Variants in PRDM4 observed in about 807,000 individuals in gnomAD.
PRDM4 encodes PR domain zinc finger protein 4.
A neutral mutation model predicts 62.3 loss-of-function variants in PRDM4; 38 were observed. The ratio of observed to expected loss-of-function variants is 0.61; its 90% CI spans 0.47 to 0.80. The LOEUF (loss-of-function observed/expected upper bound fraction) is 0.80. Among genes scored for constraint, PRDM4 ranks in the 30% least tolerant of loss-of-function variants. The pLI is 0.00. For missense variants in PRDM4, 858 were observed against 997.1 expected (o/e 0.86, Z 1.88); for synonymous variants, 339 against 348.2 (o/e 0.97, Z 0.30).
intron 2 of PRDM4, 60 bp from the exon 3 acceptor site, chr12:107,757,025 G>C: frequency 6.4e-7 from 1 of 1,553,614 alleles, no homozygotes; most frequent in South Asian, 1.1e-5. Flanking sequence ...TCTGTATTAA[G>C]ATACTGAAGA....
intron 5 of PRDM4, among the ~76,000 whole-genome samples, chr12:107,746,712 T>A (rs1196735556): frequency 6.6e-6 from 1 of 152,008 alleles, no homozygotes; most frequent in Non-Finnish European, 1.5e-5. Context: ...CTGGAACTCC[T>A]GACCTCAGAT....
At position 107,751,820 on chromosome 12, in the gene PRDM4, T is replaced by G. The variant is rs1476073621; in HGVS notation, c.721A>C (p.Ser241Arg). The part of the protein sequence containing the change: ...SHEPLSVDSV[S>R]NNLAADAVGH... ...ACAGCGTCTGCTGCAAGGTTGTTGC[T>G]CACAGAATCCACAGACAGAGGTTCA... Residue 241 changes from serine to arginine, a missense_variant, in exon 5 of 12, where the codon AGC becomes CGC. This residue lies in a region of PRDM4 where 499 missense variants were observed against 546.7 expected (regional missense o/e 0.91). Transcript: ENST00000228437. 1 of 1,614,106 alleles carries G rather than the reference T, an allele frequency of 6.2e-7. No individual in the cohort carries two copies. The highest frequency in any genetic ancestry group is 8.5e-7 in the Non-Finnish European group (1 of 1,180,038).
chr12:107,752,024 G>A lies in PRDM4; in HGVS notation c.517C>T (p.His173Tyr). The change falls in exon 5 of 12, where the codon CAT (histidine) becomes TAT (tyrosine). Residue 173 changes from histidine (H) to tyrosine (Y), a missense_variant. By Grantham distance (83) the His-to-Tyr change is moderately conservative (BLOSUM62 2). Transcript: ENST00000228437. ...VSIDSRSVNT[H>Y]GAQSLHPSDG... ...CTGGGATGAAGACTTTGGGCACCAT[G>A]TGTGTTCACAGAGCGAGAGTCTATT... The A allele has an allele frequency of 6.2e-7, 1 of 1,614,150 alleles. No homozygotes were observed. Among genetic ancestry groups the A allele is most frequent in the Non-Finnish European group, 8.5e-7 (1 of 1,179,968 alleles).
intron 2 of PRDM4, chr12:107,759,942 T>C (rs1891181936): frequency 6.6e-6 from 1 of 152,276 alleles, no homozygotes; most frequent in African/African-American, 2.4e-5. Context: ...TTTCTTCGCA[T>C]AAAATATAAT....
At chr12:107,760,437 A>G in intron 2 of PRDM4, 68 bp downstream of exon 2, 3 of 1,601,860 alleles carry the variant, frequency 1.9e-6, no homozygotes, top group Non-Finnish European at 1.7e-6. Context: ...AACGGCACTG[A>G]CCCTGGACAC....
At chr12:107,748,669 A>C (rs889139248) in intron 5 of PRDM4, among the ~76,000 whole-genome samples, 2 of 152,248 alleles carry the variant, frequency 1.3e-5, no homozygotes, top group African/African-American at 4.8e-5. Flanking sequence ...GTTGCTGAGA[A>C]TACGCGGAAG....
Position 107,752,008 on chromosome 12 carries a change from A to C in PRDM4, c.533T>G (p.Leu178Arg). ...CACCTCATGGCCATCACTGGGATGAAGACTTTGGGCACCATGTGTGTTCAC... is the reference window on the plus strand; with the variant it reads ...CACCTCATGGCCATCACTGGGATGACGACTTTGGGCACCATGTGTGTTCAC... Reference protein sequence around the residue: ...RSVNTHGAQSLHPSDGHEVAL... With the variant: ...RSVNTHGAQSRHPSDGHEVAL... The change falls in exon 5 of 12, where the codon CTT becomes CGT. Residue 178 changes from leucine to arginine, a missense_variant. Physicochemically the swap from Leu to Arg is moderately radical, Grantham distance 102 (BLOSUM62 -2). Around this residue, in one of 3 missense-constraint regions of PRDM4, gnomAD observed 499 missense variants for 546.7 expected, o/e 0.91. Coordinates refer to ENST00000228437, the MANE Select transcript of PRDM4 (RefSeq NM_012406.4). 6.2e-7 allele frequency: 1 copy of C among 1,614,220 alleles called. No homozygotes were observed. The highest frequency in any genetic ancestry group is 1.1e-5 in the South Asian group (1 of 91,090).
chr12:107,746,297 C>T lies in PRDM4; in HGVS notation c.1254G>A (p.Gln418=), dbSNP rs140779030. 7.3e-3 allele frequency: 11,783 copies of T among 1,613,996 alleles called. 59 individuals are homozygous for T. Among genetic ancestry groups the T allele is most frequent in the Non-Finnish European group, 8.8e-3 (10,354 of 1,179,978 alleles). ...TACCAACTTCTGCTCCCACAATTGA[C>T]TGACGGAGAACAAGCTGCTTTGGGA... ...LSLPKQLVLR[Q]SIVGAEVGVW... The change falls in exon 6 of 12, where the codon CAG becomes CAA. Residue 418 remains glutamine, a synonymous_variant. Coordinates refer to ENST00000228437, the MANE Select transcript of PRDM4 (RefSeq NM_012406.4).
intron 4 of PRDM4, 120 bp downstream of exon 4, chr12:107,753,804 C>A: frequency 1.1e-6 from 1 of 932,366 alleles, no homozygotes; most frequent in South Asian, 2.3e-5. Flanking sequence ...CTTTTCCTGC[C>A]TAGAGATTAA....
chr12:107,737,772 G>A (rs1206311047), intron 11 of PRDM4, among the ~76,000 whole-genome samples: 3 of 152,146 alleles, frequency 2.0e-5, no homozygotes, highest in Admixed American at 1.3e-4. Context: ...CATGGATGGG[G>A]TCCTAGCACC....
chr12:107,751,769 G>A lies in PRDM4; in HGVS notation c.772C>T (p.His258Tyr). 6.2e-7 allele frequency: 1 copy of A among 1,614,170 alleles called. No homozygotes were observed. Among genetic ancestry groups the A allele is most frequent in the Non-Finnish European group, 8.5e-7 (1 of 1,180,034 alleles). The change falls in exon 5 of 12, where the codon CAT becomes TAT. Residue 258 changes from histidine (H) to tyrosine (Y), a missense_variant. Coordinates refer to ENST00000228437, the MANE Select transcript of PRDM4 (RefSeq NM_012406.4). ...AVGHGGVIPM[H>Y]GNGLELPVVM... Reference sequence around the variant, plus strand: ...ACAGGGAGCTCCAGGCCATTCCCATGCATGGGTATCACACCACCATGTCCT... The same window carrying A: ...ACAGGGAGCTCCAGGCCATTCCCATACATGGGTATCACACCACCATGTCCT...
intron 7 of PRDM4, among the ~76,000 whole-genome samples, chr12:107,743,779 T>A (rs1228025417): frequency 1.3e-5 from 2 of 152,216 alleles, no homozygotes; most frequent in African/African-American, 4.8e-5. Context: ...TCCCAATAGA[T>A]ATCTATGTGA....
rs367768063 is a variant in PRDM4 at position 107,734,205 on chromosome 12, TC to T, written c.*4del. 1.2e-4 allele frequency: 186 copies of T among 1,572,898 alleles called. 2 individuals carry two copies. The Middle Eastern group carries it at 2.1e-3, about 17-fold the overall frequency. On this transcript the variant is annotated 3_prime_UTR_variant, in exon 12 of 12. Transcript: ENST00000228437. ...TTCATCCAAAATTGCTTGTTTCTTT[TC>T]CTTTTATTTATGTGCAGAAAGAGAC...
At chr12:107,760,850 G>C (rs1891223169) in intron 1 of PRDM4, 79 bp from the exon 2 acceptor site, 1 of 205,776 alleles carries the variant, frequency 4.9e-6, no homozygotes, top group Non-Finnish European at 9.8e-6. Flanking sequence ...GAAAGCCCCA[G>C]GCGCTGCCGA....
At chr12:107,744,822 G>A (rs562615153) in intron 6 of PRDM4, 161 bp from the exon 7 acceptor site, 4 of 913,314 alleles carry the variant, frequency 4.4e-6, no homozygotes, top group Non-Finnish European at 6.3e-6. Flanking sequence ...CACTTTGGGA[G>A]GCCGAGGTGG....
chr12:107,742,462 T>G, intron 8 of PRDM4, 114 bp from the exon 9 acceptor site: 5 of 1,220,894 alleles, frequency 4.1e-6, no homozygotes. Context: ...ATTTACTATT[T>G]CCTCTGGAAT....
chr12:107,744,461 T>C, intron 7 of PRDM4, 82 bp downstream of exon 7: 1 of 1,507,226 alleles, frequency 6.6e-7, no homozygotes, highest in South Asian at 1.2e-5. Context: ...TTCTGGCTGA[T>C]TTTGACTTTA....
chr12:107,735,332 C>T (rs931508982), intron 11 of PRDM4, among the ~76,000 whole-genome samples: 1 of 152,172 alleles, frequency 6.6e-6, no homozygotes, highest in African/African-American at 2.4e-5. Flanking sequence ...CCATCATTGA[C>T]GGTTCTGGTT....
rs190955326 is a variant in PRDM4 at position 107,741,364 on chromosome 12, C to T, written c.1610-104G>A. The stretch of plus-strand genomic sequence containing the variant: ...CAGTTCTCCTTTCTCTCCATATTTC[C>T]AATTTGCCCACTTCCTATAAAACTA... On this transcript the variant is annotated intron_variant, in intron 9 of 11. Transcript: ENST00000228437. 53 of 1,109,264 alleles carry T rather than the reference C, an allele frequency of 4.8e-5. No homozygotes were observed. The African/African-American group carries it at 7.7e-4, about 16-fold the overall frequency. The allele number at this position is 1,109,264 out of a possible 1,614,324, so 68.7% of individuals were successfully genotyped here.
Sources: gnomAD v4.1 joint callset for allele counts (sites outside exome capture counted in the v4.1 genomes callset) on GRCh38, gnomAD v4.1.1 for gene constraint, gnomAD v4.1.1 regional missense constraint, MANE v1.5 for transcripts, NCBI Gene and HGNC (gene_info 2026-07-23, HGNC 2026-07-21) for gene names.